MORN1: variants seen among roughly 807,000 people sequenced by gnomAD.
MORN1 encodes the protein MORN repeat-containing protein 1.
In MORN1, 67 loss-of-function variants were observed where a neutral mutation model predicts 61.9. The ratio of observed to expected loss-of-function variants is 1.08; its 90% CI spans 0.89 to 1.33. The LOEUF is 1.33. MORN1 is among the 40% of genes most tolerant of loss of function. The pLI, the probability that MORN1 is intolerant of heterozygous loss-of-function variation, is 0.00. For synonymous variants in MORN1, 301 were observed against 292.0 expected (o/e 1.03, Z -0.31); for missense variants, 752 against 691.2 (o/e 1.09, Z -0.99).
chr1:2,323,468 C>T (rs546382769), intron 13 of MORN1: 79 of 985,380 alleles, frequency 8.0e-5, no homozygotes, highest in African/African-American at 1.7e-4. Flanking sequence ...CAGTCAGCCG[C>T]GGTGCCCAGG....
intron 8 of MORN1, among the ~76,000 whole-genome samples, chr1:2,360,389 G>A (rs1365772616): frequency 2.0e-5 from 3 of 152,136 alleles, no homozygotes; most frequent in South Asian, 2.1e-4. Flanking sequence ...TCAGGATCCC[G>A]GACACCAGGC....
rs947100021 is a variant in MORN1, at chr1:2,391,547, G to A, written c.-14C>T. ...CGCCGCTGCCATCTTGCCGCCGAGG[G>A]TTCTCTTAGCGACCAGCAACGCCCG... On this transcript the variant is annotated 5_prime_UTR_variant, in exon 1 of 14. Coordinates refer to ENST00000378531, the MANE Select transcript of MORN1 (RefSeq NM_024848.3). 2 of 1,247,460 alleles carry A rather than the reference G, an allele frequency of 1.6e-6. No homozygotes were observed. Among genetic ancestry groups the A allele is most frequent in the African/African-American group, 1.6e-5 (1 of 64,466 alleles). 77.3% of individuals were successfully genotyped at this position (1,247,460 alleles called of 1,614,324 possible). A position where few individuals can be genotyped will look rare whatever the true frequency, so the allele number is the denominator to read the frequency against.
chr1:2,358,839 G>A, intron 8 of MORN1, 124 bp from the exon 9 acceptor site: 4 of 1,227,516 alleles, frequency 3.3e-6, no homozygotes, highest in Non-Finnish European at 4.5e-6. Flanking sequence ...GCCAGTGGCT[G>A]TGACCCTGGT....
intron 12 of MORN1, among the ~76,000 whole-genome samples, chr1:2,324,672 G>A (rs774953064): frequency 6.6e-6 from 1 of 152,298 alleles, no homozygotes; most frequent in East Asian, 1.9e-4. Flanking sequence ...AGAGGTAGCA[G>A]TGAGGATGGG....
chr1:2,356,281 G>A (rs1641767518), intron 10 of MORN1, among the ~76,000 whole-genome samples: 1 of 152,204 alleles, frequency 6.6e-6, no homozygotes, highest in African/African-American at 2.4e-5. Context: ...CAAGGCAGGT[G>A]ACAAGGGCTG....
chr1:2,331,509 AC>A (rs939240888), intron 12 of MORN1, among the ~76,000 whole-genome samples: 1 of 152,072 alleles, frequency 6.6e-6, no homozygotes, highest in Non-Finnish European at 1.5e-5. Context: ...CTTTCTGGCC[AC>A]CCTGCACATG....
chr1:2,358,841 G>A, intron 8 of MORN1, 126 bp from the exon 9 acceptor site: 2 of 1,218,538 alleles, frequency 1.6e-6, no homozygotes, highest in Non-Finnish European at 2.3e-6. Flanking sequence ...CAGTGGCTGT[G>A]ACCCTGGTGG....
At chr1:2,329,425 G>A (rs953536543) in intron 12 of MORN1, among the ~76,000 whole-genome samples, 6 of 152,096 alleles carry the variant, frequency 3.9e-5, no homozygotes, top group Non-Finnish European at 7.4e-5. Flanking sequence ...CAGGGCACCC[G>A]GTGCCCCCAG....
intron 10 of MORN1, among the ~76,000 whole-genome samples, chr1:2,347,381 C>T (rs1188492186): frequency 1.3e-5 from 2 of 152,212 alleles, no homozygotes; most frequent in East Asian, 3.8e-4. Flanking sequence ...GCGGCTGCCC[C>T]CTACCCCCGA....
chr1:2,385,171 G>C, intron 5 of MORN1, 106 bp from the exon 6 acceptor site: 1 of 1,143,422 alleles, frequency 8.7e-7, no homozygotes, highest in South Asian at 1.4e-5. Context: ...GCGGGACCGA[G>C]GCAAAAATAG....
In MORN1 at chr1:2,324,103, G is replaced by A. The variant is rs1477481815; in HGVS notation, c.1291C>T (p.His431Tyr). The A allele has an allele frequency of 1.3e-6, 2 of 1,599,616 alleles. No individual in the cohort carries two copies. Among genetic ancestry groups the A allele is most frequent in the Non-Finnish European group, 1.7e-6 (2 of 1,174,764 alleles). The stretch of plus-strand genomic sequence containing the variant: ...TTGGGCCCTGTCCACCTACCTAGGT[G>A]TGCTGCCGCAGCCTGCTCCTCCGTG... ...RATEEQAAAA[H>Y]LGEYVLMIRD... is the part of the protein sequence containing the mutation. The change falls in exon 13 of 14, where the codon CAC becomes TAC. Residue 431 changes from histidine (H) to tyrosine (Y), a missense_variant. By Grantham distance (83) the His-to-Tyr change is moderately conservative. Transcript: ENST00000378531.
At chr1:2,391,386 G>A (rs1187775286) in intron 1 of MORN1, 72 bp downstream of exon 1, 8 of 1,244,102 alleles carry the variant, frequency 6.4e-6, no homozygotes, top group East Asian at 3.2e-5. Flanking sequence ...GGGGGTCGAG[G>A]GCGTAGAGCG....
intron 12 of MORN1, among the ~76,000 whole-genome samples, chr1:2,324,625 G>A (rs1260591775): frequency 6.6e-6 from 1 of 152,198 alleles, no homozygotes; most frequent in Non-Finnish European, 1.5e-5. Flanking sequence ...AGGAACAGAG[G>A]CCCAGTGTCA....
At position 2,385,255 on chromosome 1, in the gene MORN1, C is replaced by T. The variant is rs992169536; in HGVS notation, c.450-190G>A. On this transcript the variant is annotated intron_variant, in intron 5 of 13. Transcript: ENST00000378531. ...GGGCCGACGACAGGCGGTGGGGACACGTCCGCCCACCCCCACCCTAGATGG... is the reference window on the plus strand; with the variant it reads ...GGGCCGACGACAGGCGGTGGGGACATGTCCGCCCACCCCCACCCTAGATGG... The T allele has an allele frequency of 7.8e-5, 47 of 604,382 alleles. 1 individual carries two copies. The highest frequency in any genetic ancestry group is 8.8e-4 in the Middle Eastern group (2 of 2,260). The allele number at this position is 604,382 out of a possible 1,614,324, so 37.4% of individuals were successfully genotyped here. A position where few individuals can be genotyped will look rare whatever the true frequency, so the allele number is the denominator to read the frequency against.
rs1436686731 is a variant in MORN1 at position 2,357,027 on chromosome 1, C to T, written c.1036+405G>A. Among the ~76,000 whole-genome samples the T allele has an allele frequency of 6.6e-6, 1 of 152,140 alleles. No homozygotes were observed. The highest frequency in any genetic ancestry group is 1.5e-5 in the Non-Finnish European group (1 of 68,008). ...ACCCTGACCTCGAGAGAGCAGTCGG[C>T]GCCGCGGCCCCCAGAGCCATGGCCG... On this transcript the variant is annotated intron_variant, in intron 10 of 13. Transcript: ENST00000378531. This position sits in a 1 kb window ranked among gnomAD's most constrained non-coding sequence, Gnocchi z 6.3.
At chr1:2,341,944 G>C (rs1641404098) in intron 10 of MORN1, among the ~76,000 whole-genome samples, 1 of 152,216 alleles carries the variant, frequency 6.6e-6, no homozygotes, top group African/African-American at 2.4e-5. Context: ...ACGGGCCCCA[G>C]AGGAACCATT....
chr1:2,355,349 G>A (rs1641740067), intron 10 of MORN1: 1 of 1,524,914 alleles, frequency 6.6e-7, no homozygotes, highest in South Asian at 1.2e-5. Flanking sequence ...GGGCCCTGCT[G>A]CCCCACCTGG....
chr1:2,345,281 C>A (rs1641488964), intron 10 of MORN1, among the ~76,000 whole-genome samples: 1 of 152,270 alleles, frequency 6.6e-6, no homozygotes, highest in South Asian at 2.1e-4. Flanking sequence ...ATTCCTTCCA[C>A]CAGGCCAGGG....
At chr1:2,375,916 T>C (rs1263390425) in intron 6 of MORN1, 1 of 152,372 alleles carries the variant, frequency 6.6e-6, no homozygotes, top group Non-Finnish European at 1.5e-5. Flanking sequence ...GCCCTGAAGA[T>C]CAGAGTCCGG....
Sources: allele counts gnomAD v4.1 joint callset (sites outside exome capture counted in the v4.1 genomes callset), GRCh38; gene constraint gnomAD v4.1.1; non-coding constraint Gnocchi (gnomAD v3.1); transcripts MANE v1.5; gene names NCBI Gene and HGNC (gene_info 2026-07-23, HGNC 2026-07-21).